Variants in CD300LG observed in about 807,000 individuals in gnomAD.
CD300LG encodes the protein CD300 molecule like family member g, also known as CMRF35-like molecule 9.
CD300LG carries 29 observed loss-of-function variants against 31.5 expected under a neutral mutation model. The ratio of observed to expected loss-of-function variants is 0.92; its 90% CI spans 0.68 to 1.25. The LOEUF is 1.25. Among genes scored for constraint, CD300LG ranks in the 50% most tolerant of loss-of-function variants. The pLI, the probability that CD300LG is intolerant of heterozygous loss-of-function variation, is 0.00. For synonymous variants in CD300LG, 175 were observed against 177.2 expected, an observed-to-expected ratio of 0.99 and a Z score of 0.10; for missense variants, 396 against 417.6, an observed-to-expected ratio of 0.95 and a Z score of 0.45.
At position 43,863,479 on chromosome 17, in the gene CD300LG, A is replaced by G. The variant is rs529445533; in HGVS notation, c.*1568A>G. On this transcript the variant is annotated 3_prime_UTR_variant, in exon 7 of 7. Coordinates refer to ENST00000317310, the MANE Select transcript of CD300LG (RefSeq NM_145273.4). ...TTCCTTCCACTCTTTTCTTCTTCAC[A>G]TAATTTGCCGGTGTTCTTTTTACAG... 1.8e-4 allele frequency: 28 copies of G among 152,368 alleles called. No individual in the cohort carries two copies. Among genetic ancestry groups the G allele is most frequent in the African/African-American group, 6.5e-4 (27 of 41,586 alleles). 9.4% of individuals were successfully genotyped at this position (152,368 alleles called of 1,614,324 possible). A position where few individuals can be genotyped will look rare whatever the true frequency, so the allele number is the denominator to read the frequency against.
chr17:43,857,358 G>A (rs1039436832), intron 6 of CD300LG: 8 of 1,523,580 alleles, frequency 5.3e-6, no homozygotes, highest in East Asian at 2.4e-5. Flanking sequence ...GCCCATGGGG[G>A]ACTCACAGGT....
chr17:43,857,560 A>C (rs2046560908), intron 6 of CD300LG: 1 of 1,346,740 alleles, frequency 7.4e-7, no homozygotes, highest in African/African-American at 1.4e-5. Flanking sequence ...CAGAACGCCC[A>C]GGGGTCAGGG....
At chr17:43,852,554 A>C (rs894970138) in intron 2 of CD300LG, among the ~76,000 whole-genome samples, 1 of 152,234 alleles carries the variant, frequency 6.6e-6, no homozygotes, top group Non-Finnish European at 1.5e-5. Flanking sequence ...CATACTAAAA[A>C]GTTTGAACTT....
intron 5 of CD300LG, among the ~76,000 whole-genome samples, chr17:43,856,158 CATT>C (rs377316270): frequency 6.6e-6 from 1 of 152,238 alleles, no homozygotes; most frequent in African/African-American, 2.4e-5. Context: ...ATATCCCAAA[CATT>C]ATCATTTTGA....
At chr17:43,859,474 G>A (rs76557360) in intron 6 of CD300LG, among the ~76,000 whole-genome samples, 20,536 of 152,072 alleles carry the variant, frequency 0.14, 1,523 homozygotes, top group Non-Finnish European at 0.16. Flanking sequence ...CACCAGACTT[G>A]CGATAGTGGG....
intron 6 of CD300LG, among the ~76,000 whole-genome samples, chr17:43,859,395 C>T (rs1337822606): frequency 6.6e-6 from 1 of 152,194 alleles, no homozygotes; most frequent in Non-Finnish European, 1.5e-5. Flanking sequence ...GAAAATGCCT[C>T]CATGCTTGCT....
At chr17:43,851,114 A>ACAGAGC (rs2046338111) in intron 2 of CD300LG, among the ~76,000 whole-genome samples, 1 of 146,634 alleles carries the variant, frequency 6.8e-6, no homozygotes, top group South Asian at 2.2e-4. Flanking sequence ...AGCCTGGTCA[A>ACAGAGC]CAGAGCCAGA....
At chr17:43,858,020 C>G in intron 6 of CD300LG, 1 of 1,454,272 alleles carries the variant, frequency 6.9e-7, no homozygotes, top group Admixed American at 2.6e-5. Flanking sequence ...GCACTTCAGG[C>G]AACAGAAGCC....
rs558973571 is a variant in CD300LG at position 43,847,390 on chromosome 17, G to A, written c.43+131G>A. The A allele has an allele frequency of 2.7e-4, 242 of 904,824 alleles. 5 individuals are homozygous for A. In the African/African-American group the frequency reaches 3.0e-3, roughly 11 times the overall value. 56.0% of individuals were successfully genotyped at this position (904,824 alleles called of 1,614,324 possible). A position where few individuals can be genotyped will look rare whatever the true frequency, so the allele number is the denominator to read the frequency against. On this transcript the variant is annotated intron_variant, in intron 1 of 6. Coordinates refer to ENST00000317310, the MANE Select transcript of CD300LG (RefSeq NM_145273.4). ...CTCCTCAGCCCTAGGGGAGCGGGGC[G>A]GGCTGGGGGTGGGGGGAGGTGGGGG...
intron 3 of CD300LG, 105 bp downstream of exon 3, chr17:43,853,118 G>A: frequency 2.2e-6 from 2 of 924,508 alleles, no homozygotes; most frequent in Non-Finnish European, 1.6e-6. Context: ...CCACCTAGGT[G>A]TCCCCACAAG....
rs543186441 is a variant in CD300LG at position 43,859,686 on chromosome 17, G to C, written c.886-2112G>C. ...AGTCCTCTGGTGTAGCCCCAGGTCTGCCCTGCACCAAGGCCCCCTCTGTCC... is the reference window on the plus strand; with the variant it reads ...AGTCCTCTGGTGTAGCCCCAGGTCTCCCCTGCACCAAGGCCCCCTCTGTCC... On this transcript the variant is annotated intron_variant, in intron 6 of 6. Transcript: ENST00000317310. Among the ~76,000 whole-genome samples the C allele has an allele frequency of 4.9e-4, 74 of 152,246 alleles. 1 individual carries two copies. Among genetic ancestry groups the C allele is most frequent in the African/African-American group, 1.8e-3 (74 of 41,542 alleles).
intron 4 of CD300LG, among the ~76,000 whole-genome samples, chr17:43,854,291 C>T (rs1344750947): frequency 6.6e-6 from 1 of 152,212 alleles, no homozygotes; most frequent in African/African-American, 2.4e-5. Flanking sequence ...GACCTCTCTC[C>T]CTGCCCCAGC....
At position 43,863,443 on chromosome 17, in the gene CD300LG, T is replaced by C. The variant is rs1483280778; in HGVS notation, c.*1532T>C. On this transcript the variant is annotated 3_prime_UTR_variant, in exon 7 of 7. Transcript: ENST00000317310. ...CTCACCAGAGACTATCATTATTTCG[T>C]TTTGTTGTACTTCCTTCCACTCTTT... 6.6e-6 allele frequency: 1 copy of C among 152,206 alleles called. No individual in the cohort carries two copies. The allele number at this position is 152,206 out of a possible 1,614,324, so 9.4% of individuals were successfully genotyped here.
chr17:43,857,556 GCC>G, intron 6 of CD300LG: 1 of 1,370,682 alleles, frequency 7.3e-7, no homozygotes, highest in Non-Finnish European at 1.0e-6. Context: ...CTTTCAGAAC[GCC>G]CAGGGGTCAG....
chr17:43,863,010 A>G lies in CD300LG; in HGVS notation c.*1099A>G, dbSNP rs2046678358. On this transcript the variant is annotated 3_prime_UTR_variant, in exon 7 of 7. Coordinates refer to ENST00000317310, the MANE Select transcript of CD300LG (RefSeq NM_145273.4). ...GGGGTGGGGGTAAAGTAGCACAACT[A>G]CTATTTTTTTTCTTTTTCCATTATT... is the stretch of plus-strand genomic sequence containing the variant. 6.6e-6 allele frequency: 1 copy of G among 152,092 alleles called. No homozygotes were observed. Among genetic ancestry groups the G allele is most frequent in the South Asian group, 2.1e-4 (1 of 4,812 alleles). 9.4% of individuals were successfully genotyped at this position (152,092 alleles called of 1,614,324 possible). A position where few individuals can be genotyped will look rare whatever the true frequency, so the allele number is the denominator to read the frequency against.
At chr17:43,848,122 G>T (rs1469389711) in intron 1 of CD300LG, among the ~76,000 whole-genome samples, 1 of 152,066 alleles carries the variant, frequency 6.6e-6, no homozygotes, top group Non-Finnish European at 1.5e-5. Flanking sequence ...CGTGGCTGTA[G>T]TCCCAGGTAC....
chr17:43,847,286 G>A (rs1404626086), intron 1 of CD300LG, 27 bp downstream of exon 1: 1 of 1,612,962 alleles, frequency 6.2e-7, no homozygotes, highest in Non-Finnish European at 8.5e-7. Context: ...GTCTCGGGAG[G>A]GATGTGGGGC....
At chr17:43,856,592 C>T (rs2046526285) in intron 5 of CD300LG, among the ~76,000 whole-genome samples, 1 of 152,138 alleles carries the variant, frequency 6.6e-6, no homozygotes, top group Non-Finnish European at 1.5e-5. Context: ...ATGTGTGGCT[C>T]CTAGGAGGAA....
chr17:43,852,811 G>A, intron 2 of CD300LG, 101 bp from the exon 3 acceptor site: 1 of 915,784 alleles, frequency 1.1e-6, no homozygotes, highest in Non-Finnish European at 1.7e-6. Context: ...GCAGTGCTCT[G>A]TGCTGAGGTG....
Sources: gnomAD v4.1 joint callset for allele counts (sites outside exome capture counted in the v4.1 genomes callset) on GRCh38, gnomAD v4.1.1 for gene constraint, MANE v1.5 for transcripts, NCBI Gene and HGNC (gene_info 2026-07-23, HGNC 2026-07-21) for gene names.